METTL18: variants seen among roughly 807,000 people sequenced by gnomAD.
METTL18 encodes the protein histidine protein methyltransferase 1 homolog.
METTL18 carries 15 observed loss-of-function variants against 19.6 expected under a neutral mutation model. The ratio of observed to expected loss-of-function variants is 0.77; its 90% CI spans 0.51 to 1.18. The LOEUF (loss-of-function observed/expected upper bound fraction) is 1.18, where lower values mean the gene tolerates loss of function less well. Ranked by LOEUF, METTL18 falls within the 50% of genes most tolerant of loss-of-function variation. METTL18 has a pLI of 0.00. For synonymous variants in METTL18, 131 were observed against 145.2 expected (o/e 0.90, Z 0.70); for missense variants, 392 against 418.8 (o/e 0.94, Z 0.56).
rs758363547 is a variant in METTL18 at position 169,793,550 on chromosome 1, G to C, written c.146C>G (p.Ser49Cys). The C allele has an allele frequency of 8.1e-6, 13 of 1,614,174 alleles. No individual in the cohort carries two copies. The highest frequency in any genetic ancestry group is 1.1e-5 in the Non-Finnish European group (13 of 1,180,038). The change falls in exon 2 of 2, where the codon TCT becomes TGT. Residue 49 changes from serine to cysteine, a missense_variant. Coordinates refer to ENST00000310392, the MANE Select transcript of METTL18 (RefSeq NM_033418.4). ...QKGEERDRKC[S>C]AEQFDLPQDH... is the part of the protein sequence containing the mutation. ...CTGAGGCAAGTCAAATTGTTCTGCAGAACATTTTCTGTCCCTCTCTTCTCC... is the reference window on the plus strand; with the variant it reads ...CTGAGGCAAGTCAAATTGTTCTGCACAACATTTTCTGTCCCTCTCTTCTCC...
Position 169,793,416 on chromosome 1 carries a change from G to A in METTL18, c.280C>T (p.Gln94Ter), listed in dbSNP as rs1313041722. The A allele has an allele frequency of 1.9e-6, 3 of 1,614,150 alleles. No homozygotes were observed. The highest frequency in any genetic ancestry group is 2.2e-5 in the South Asian group (2 of 91,080). Residue 94 changes from glutamine (Q) to a stop codon, truncating the protein, a stop_gained, in exon 2 of 2, where the codon CAG (glutamine) becomes TAG (stop). Transcript: ENST00000310392. LOFTEE classifies it high-confidence loss of function. ...SSRNLEPHGK[Q>*]PSLRAAKEHA... ...TCTTTGGCAGCTCTCAAGGAGGGCT[G>A]TTTTCCATGTGGCTCCAAGTTCCTT...
rs777825972 is a variant in METTL18 at position 169,792,827 on chromosome 1, A to C, written c.869T>G (p.Ile290Ser). ...GTTGTAAATGGTTTCTGAGGTGAGA[A>C]TGAGATCATATTTTACAAAAAGTTT... is the stretch of plus-strand genomic sequence containing the variant. ...SEKLFVKYDL[I>S]LTSETIYNPD... Residue 290 changes from isoleucine (I) to serine (S), a missense_variant, in exon 2 of 2, where the codon ATT (isoleucine) becomes AGT (serine). Ile to Ser is a moderately radical substitution (Grantham distance 142). Coordinates refer to ENST00000310392, the MANE Select transcript of METTL18 (RefSeq NM_033418.4). 4.8e-5 allele frequency: 78 copies of C among 1,613,892 alleles called. No individual in the cohort carries two copies. The highest frequency in any genetic ancestry group is 6.1e-5 in the Non-Finnish European group (72 of 1,179,960).
Position 169,793,722 on chromosome 1 carries a change from A to C in METTL18, c.-27T>G. 1 of 1,531,220 alleles carries C rather than the reference A, an allele frequency of 6.5e-7. No homozygotes were observed. The highest frequency in any genetic ancestry group is 8.8e-7 in the Non-Finnish European group (1 of 1,139,600). The allele number at this position is 1,531,220 out of a possible 1,614,324, so 94.9% of individuals were successfully genotyped here. A position where few individuals can be genotyped will look rare whatever the true frequency, so the allele number is the denominator to read the frequency against. On this transcript the variant is annotated 5_prime_UTR_variant, in exon 2 of 2. Coordinates refer to ENST00000310392, the MANE Select transcript of METTL18 (RefSeq NM_033418.4). ...CTCTTATTAAATGCACACAATCTTT[A>C]AATTCAGATTCTTCAACTTCTGGAT...
chr1:169,793,717 T>C lies in METTL18; in HGVS notation c.-22A>G, dbSNP rs1235190659. 4 of 1,536,394 alleles carry C rather than the reference T, an allele frequency of 2.6e-6. No homozygotes were observed. The highest frequency in any genetic ancestry group is 3.5e-6 in the Non-Finnish European group (4 of 1,142,712). On this transcript the variant is annotated 5_prime_UTR_variant, in exon 2 of 2. Coordinates refer to ENST00000310392, the MANE Select transcript of METTL18 (RefSeq NM_033418.4). ...TCATCCTCTTATTAAATGCACACAATCTTTAAATTCAGATTCTTCAACTTC... is the reference window on the plus strand; with the variant it reads ...TCATCCTCTTATTAAATGCACACAACCTTTAAATTCAGATTCTTCAACTTC...
In METTL18 at chr1:169,792,931, T is replaced by C; in HGVS notation, c.765A>G (p.Pro255=). The C allele has an allele frequency of 1.2e-6, 2 of 1,614,150 alleles. No individual in the cohort carries two copies. The highest frequency in any genetic ancestry group is 3.3e-5 in the Admixed American group (2 of 60,026). Residue 255 remains proline (P), a synonymous_variant, in exon 2 of 2, where the codon CCA becomes CCG. Coordinates refer to ENST00000310392, the MANE Select transcript of METTL18 (RefSeq NM_033418.4). Reference sequence around the variant, plus strand: ...GGCATTTATATAGTTGTGTTACTTTTGGTTTCCTGCATCTTTTCACATCTG... The same window carrying C: ...GGCATTTATATAGTTGTGTTACTTTCGGTTTCCTGCATCTTTTCACATCTG... The part of the protein sequence containing the change: ...NEPDVKRCRK[P]KVTQLYKCRF...
At chr1:169,794,212 T>C (rs1384033387) in intron 1 of METTL18, among the ~76,000 whole-genome samples, 2 of 152,228 alleles carry the variant, frequency 1.3e-5, no homozygotes, top group African/African-American at 2.4e-5. Context: ...ACTTGCTGTC[T>C]TTCAGCTGTC....
At position 169,792,816 on chromosome 1, in the gene METTL18, C is replaced by G. The variant is rs1434247476; in HGVS notation, c.880G>C (p.Glu294Gln). Residue 294 changes from glutamate (E) to glutamine (Q), a missense_variant, in exon 2 of 2, where the codon GAA becomes CAA. Coordinates refer to ENST00000310392, the MANE Select transcript of METTL18 (RefSeq NM_033418.4). ...TAATAATCTGGGTTGTAAATGGTTTCTGAGGTGAGAATGAGATCATATTTT... is the reference window on the plus strand; with the variant it reads ...TAATAATCTGGGTTGTAAATGGTTTGTGAGGTGAGAATGAGATCATATTTT... Reference protein sequence around the residue: ...FVKYDLILTSETIYNPDYYSN... With the variant: ...FVKYDLILTSQTIYNPDYYSN... 9.9e-6 allele frequency: 16 copies of G among 1,613,618 alleles called. No individual in the cohort carries two copies. Among genetic ancestry groups the G allele is most frequent in the Non-Finnish European group, 1.4e-5 (16 of 1,179,852 alleles).
rs1473198471 is a variant in METTL18, at chr1:169,793,241, G to A, written c.455C>T (p.Ser152Phe). Residue 152 changes from serine (S) to phenylalanine (F), a missense_variant, in exon 2 of 2, where the codon TCT (serine) becomes TTT (phenylalanine). Physicochemically the swap from Ser to Phe is radical, Grantham distance 155. Transcript: ENST00000310392. ...ACCTGTAATCAGATCAGAGTGAGAA[G>A]AAAAGCTTTTTGAAACTATGTTTTC... is the stretch of plus-strand genomic sequence containing the variant. ...PGENIVSKSFSSHSDLITGVY... is the reference protein window; with the variant it reads ...PGENIVSKSFFSHSDLITGVY... 1.2e-6 allele frequency: 2 copies of A among 1,613,998 alleles called. No homozygotes were observed. Among genetic ancestry groups the A allele is most frequent in the East Asian group, 4.5e-5 (2 of 44,896 alleles).
rs779038753 is a variant in METTL18 at position 169,792,729 on chromosome 1, T to G, written c.967A>C (p.Ser323Arg). ...CCTACACCAAAATAATGTGCTTTGC[T>G]GGCCAAAAGTACACGTCCATTTTTA... The part of the protein sequence containing the change: ...LSKNGRVLLA[S>R]KAHYFGVGGG... Residue 323 changes from serine (S) to arginine (R), a missense_variant, in exon 2 of 2, where the codon AGC becomes CGC. Physicochemically the swap from Ser to Arg is moderately radical, Grantham distance 110. Coordinates refer to ENST00000310392, the MANE Select transcript of METTL18 (RefSeq NM_033418.4). 1.2e-6 allele frequency: 2 copies of G among 1,613,946 alleles called. No homozygotes were observed. The highest frequency in any genetic ancestry group is 1.7e-6 in the Non-Finnish European group (2 of 1,179,974).
rs765596976 is a variant in METTL18 at position 169,793,394 on chromosome 1, T to A, written c.302A>T (p.Lys101Ile). 1 of 1,614,240 alleles carries A rather than the reference T, an allele frequency of 6.2e-7. No individual in the cohort carries two copies. The highest frequency in any genetic ancestry group is 1.1e-5 in the South Asian group (1 of 91,086). The stretch of plus-strand genomic sequence containing the variant: ...TAAATCTTTAGGCATAGCATGCTCT[T>A]TGGCAGCTCTCAAGGAGGGCTGTTT... The part of the protein sequence containing the change: ...HGKQPSLRAA[K>I]EHAMPKDLKK... The change falls in exon 2 of 2, where the codon AAA (lysine) becomes ATA (isoleucine). Residue 101 changes from lysine (K) to isoleucine (I), a missense_variant. Lys to Ile is a moderately radical substitution (Grantham distance 102). Transcript: ENST00000310392.
Position 169,793,853 on chromosome 1 carries a change from T to C in METTL18, c.-158A>G, listed in dbSNP as rs1214541620. On this transcript the variant is annotated 5_prime_UTR_variant, in exon 2 of 2. Coordinates refer to ENST00000310392, the MANE Select transcript of METTL18 (RefSeq NM_033418.4). The stretch of plus-strand genomic sequence containing the variant: ...ATGGTAACAAATATTTAGAGATATT[T>C]CCAAATGACTTTTTAGACGTCTTTG... 1 of 552,470 alleles carries C rather than the reference T, an allele frequency of 1.8e-6. No individual in the cohort carries two copies. The highest frequency in any genetic ancestry group is 3.0e-6 in the Non-Finnish European group (1 of 336,170). The allele number at this position is 552,470 out of a possible 1,614,324, so 34.2% of individuals were successfully genotyped here. A position where few individuals can be genotyped will look rare whatever the true frequency, so the allele number is the denominator to read the frequency against.
Position 169,793,051 on chromosome 1 carries a change from A to G in METTL18, c.645T>C (p.Phe215=), listed in dbSNP as rs763031209. 5.0e-6 allele frequency: 8 copies of G among 1,614,078 alleles called. No homozygotes were observed. Among genetic ancestry groups the G allele is most frequent in the Non-Finnish European group, 5.9e-6 (7 of 1,180,046 alleles). The change falls in exon 2 of 2, where the codon TTT becomes TTC. Residue 215 remains phenylalanine (F), a synonymous_variant. Transcript: ENST00000310392. The part of the protein sequence containing the change: ...AFKGGSKEIH[F]QDYNSMVIDE... Reference sequence around the variant, plus strand: ...CAATCACCATACTGTTATAATCTTGAAAGTGAATTTCTTTGGACCCTCCCT... The same window carrying G: ...CAATCACCATACTGTTATAATCTTGGAAGTGAATTTCTTTGGACCCTCCCT...
intron 1 of METTL18, 43 bp downstream of exon 1, chr1:169,794,772 C>G (rs1417311021): frequency 1.5e-5 from 3 of 201,240 alleles, no homozygotes; most frequent in Non-Finnish European, 3.1e-5. Context: ...GACTTCTGGC[C>G]CTCACCTCCC....
rs1225358742 is a variant in METTL18 at position 169,793,437 on chromosome 1, TC to T, written c.258del (p.Asn87ThrfsTer11). ...GGCTGTTTTCCATGTGGCTCCAAGT[TC>T]CTTGAACTGCTGGCTGCACTGAGTG... ...DSPLSAASSSRNLEPHGKQPS... is the reference protein window; with the variant it reads ...DSPLSAASSSXNLEPHGKQPS... On this transcript the variant is annotated frameshift_variant, in exon 2 of 2. Coordinates refer to ENST00000310392, the MANE Select transcript of METTL18 (RefSeq NM_033418.4). LOFTEE classifies it high-confidence loss of function. 34 of 1,614,092 alleles carry T rather than the reference TC, an allele frequency of 2.1e-5. No individual in the cohort carries two copies. The highest frequency in any genetic ancestry group is 2.9e-5 in the Non-Finnish European group (34 of 1,180,024).
Position 169,792,689 on chromosome 1 carries a change from A to C in METTL18, c.1007T>G (p.Leu336Arg). 6.2e-7 allele frequency: 1 copy of C among 1,613,066 alleles called. No homozygotes were observed. Among genetic ancestry groups the C allele is most frequent in the Non-Finnish European group, 8.5e-7 (1 of 1,179,722 alleles). ...TCTTTCTTCTACAAACTTCTGAAAG[A>C]GATGAACACCTCCACCTACACCAAA... is the stretch of plus-strand genomic sequence containing the variant. Reference protein sequence around the residue: ...HYFGVGGGVHLFQKFVEERDV... With the variant: ...HYFGVGGGVHRFQKFVEERDV... The change falls in exon 2 of 2, where the codon CTC (leucine) becomes CGC (arginine). Residue 336 changes from leucine (L) to arginine (R), a missense_variant. Coordinates refer to ENST00000310392, the MANE Select transcript of METTL18 (RefSeq NM_033418.4).
rs1305947211 is a variant in METTL18, at chr1:169,793,067, G to C, written c.629C>G (p.Ser210Cys). 1.9e-6 allele frequency: 3 copies of C among 1,613,822 alleles called. No individual in the cohort carries two copies. Among genetic ancestry groups the C allele is most frequent in the African/African-American group, 1.3e-5 (1 of 74,848 alleles). The change falls in exon 2 of 2, where the codon TCC (serine) becomes TGC (cysteine). Residue 210 changes from serine to cysteine, a missense_variant. Coordinates refer to ENST00000310392, the MANE Select transcript of METTL18 (RefSeq NM_033418.4). ...LLGITAFKGG[S>C]KEIHFQDYNS... ...ATAATCTTGAAAGTGAATTTCTTTG[G>C]ACCCTCCCTTGAATGCAGTTATACC...
chr1:169,793,363 C>T lies in METTL18; in HGVS notation c.333G>A (p.Lys111=), dbSNP rs1202724264. The T allele has an allele frequency of 6.2e-7, 1 of 1,614,166 alleles. No homozygotes were observed. The highest frequency in any genetic ancestry group is 8.5e-7 in the Non-Finnish European group (1 of 1,180,014). ...KEHAMPKDLK[K]MLENKVIETL... is the part of the protein sequence containing the mutation. The stretch of plus-strand genomic sequence containing the variant: ...TTTCTATGACTTTATTTTCTAACAT[C>T]TTCTTTAAATCTTTAGGCATAGCAT... The change falls in exon 2 of 2, where the codon AAG becomes AAA. Residue 111 remains lysine (K), a synonymous_variant. Coordinates refer to ENST00000310392, the MANE Select transcript of METTL18 (RefSeq NM_033418.4).
chr1:169,793,908 A>T lies in METTL18; in HGVS notation c.-202-11T>A. 9.2e-6 allele frequency: 3 copies of T among 326,134 alleles called. No homozygotes were observed. Among genetic ancestry groups the T allele is most frequent in the Non-Finnish European group, 1.7e-5 (3 of 176,642 alleles). The allele number at this position is 326,134 out of a possible 1,614,324, so 20.2% of individuals were successfully genotyped here. On this transcript the variant is annotated splice_polypyrimidine_tract_variant and intron_variant, in intron 1 of 1. Transcript: ENST00000310392. ...TCTTTCCAAGCAGCTCTGGAAAGAAAAAAAAAAAAAAAAGAAAGAAAATGA... is the reference window on the plus strand; with the variant it reads ...TCTTTCCAAGCAGCTCTGGAAAGAATAAAAAAAAAAAAAGAAAGAAAATGA...
In METTL18 at chr1:169,793,574, C is replaced by T. The variant is rs1347314317; in HGVS notation, c.122G>A (p.Gly41Glu). ...AGAACATTTTCTGTCCCTCTCTTCTCCTTTTTGACTTTCTGAGACTGACAG... is the reference window on the plus strand; with the variant it reads ...AGAACATTTTCTGTCCCTCTCTTCTTCTTTTTGACTTTCTGAGACTGACAG... ...KELSVSESQK[G>E]EERDRKCSAE... Residue 41 changes from glycine (G) to glutamate (E), a missense_variant, in exon 2 of 2, where the codon GGA (glycine) becomes GAA (glutamate). Coordinates refer to ENST00000310392, the MANE Select transcript of METTL18 (RefSeq NM_033418.4). 6.2e-7 allele frequency: 1 copy of T among 1,614,182 alleles called. No homozygotes were observed. The highest frequency in any genetic ancestry group is 8.5e-7 in the Non-Finnish European group (1 of 1,180,034).
Sources: gnomAD v4.1 joint callset for allele counts (sites outside exome capture counted in the v4.1 genomes callset) on GRCh38, gnomAD v4.1.1 for gene constraint, MANE v1.5 for transcripts, NCBI Gene and HGNC (gene_info 2026-07-23, HGNC 2026-07-21) for gene names.